The following MACROD2 variants were observed in gnomAD, a reference collection of about 807,000 sequenced individuals.
The protein encoded by MACROD2 is mono-ADP ribosylhydrolase 2.
Under a neutral mutation model 70.4 loss-of-function variants are expected in MACROD2, and 36 were observed. That is an observed-to-expected ratio of 0.51 (90% CI 0.39 to 0.68). MACROD2 has a LOEUF of 0.68. MACROD2 is among the 30% of genes least tolerant of loss of function. The probability of loss-of-function intolerance (pLI) is 0.00; values close to 1 mark genes in which losing one functional copy is unlikely to be tolerated. For missense variants in MACROD2, 496 were observed against 538.4 expected, an observed-to-expected ratio of 0.92 and a Z score of 0.78; for synonymous variants, 172 against 178.8, an observed-to-expected ratio of 0.96 and a Z score of 0.30.
intron 6 of MACROD2, among the ~76,000 whole-genome samples, chr20:15,362,546 C>A (rs542604553): frequency 1.3e-5 from 2 of 152,036 alleles, no homozygotes; most frequent in South Asian, 4.2e-4. Flanking sequence ...TGCATCGATA[C>A]AATTTTTTTT....
chr20:15,366,142 C>T (rs1298487362), intron 6 of MACROD2, among the ~76,000 whole-genome samples: 1 of 152,180 alleles, frequency 6.6e-6, no homozygotes, highest in African/African-American at 2.4e-5. Context: ...ACAGAGTATT[C>T]ATCTTCCCAC....
intron 10 of MACROD2, among the ~76,000 whole-genome samples, chr20:15,929,561 C>T (rs922085298): frequency 1.3e-5 from 2 of 152,126 alleles, no homozygotes; most frequent in African/African-American, 4.8e-5. Context: ...AATCTATAGA[C>T]CTTTAGAAGA....
intron 15 of MACROD2, among the ~76,000 whole-genome samples, chr20:16,015,044 A>T (rs1018900094): frequency 1.3e-5 from 2 of 152,176 alleles, no homozygotes; most frequent in Non-Finnish European, 2.9e-5. Flanking sequence ...ATATTTATTC[A>T]GTCCTGCAAA....
chr20:15,858,593 G>A (rs1362445030), intron 8 of MACROD2, among the ~76,000 whole-genome samples: 2 of 152,198 alleles, frequency 1.3e-5, no homozygotes, highest in Non-Finnish European at 2.9e-5. Flanking sequence ...TATTTTGATG[G>A]TTAGCTCATG....
intron 4 of MACROD2, among the ~76,000 whole-genome samples, chr20:14,507,384 C>G (rs1360915290): frequency 1.3e-5 from 2 of 151,770 alleles, no homozygotes; most frequent in African/African-American, 4.8e-5. Flanking sequence ...ACCAGTGGGG[C>G]GAAGAAGGAA....
intron 8 of MACROD2, among the ~76,000 whole-genome samples, chr20:15,524,298 G>A (rs111248935): frequency 5.3e-4 from 81 of 152,064 alleles, no homozygotes; most frequent in African/African-American, 1.8e-3. Context: ...GGCAGGCCAC[G>A]TGAATGAGTG....
At chr20:14,318,847 T>A (rs761880080) in intron 3 of MACROD2, among the ~76,000 whole-genome samples, 99 of 152,298 alleles carry the variant, frequency 6.5e-4, no homozygotes, top group Non-Finnish European at 1.1e-3. Context: ...GCCACTGCAA[T>A]CTTTTTCTTT....
intron 4 of MACROD2, among the ~76,000 whole-genome samples, chr20:14,550,713 A>G (rs1377403485): frequency 6.6e-6 from 1 of 152,240 alleles, no homozygotes; most frequent in Non-Finnish European, 1.5e-5. Context: ...CAAAAGCAGC[A>G]TTTATAGTTT....
At chr20:15,000,629 CAAAAAAAAA>C (rs398040701) in intron 5 of MACROD2, among the ~76,000 whole-genome samples, 20 of 21,982 alleles carry the variant, frequency 9.1e-4, no homozygotes, top group African/African-American at 2.2e-3. Context: ...GACTCCGTCT[CAAAAAAAAA>C]AAAAAAAAAA....
At chr20:15,002,944 C>A (rs895961661) in intron 5 of MACROD2, among the ~76,000 whole-genome samples, 10 of 152,168 alleles carry the variant, frequency 6.6e-5, no homozygotes, top group Non-Finnish European at 7.3e-5. Context: ...AACAAACACA[C>A]ATTTTACAGC....
chr20:14,453,258 T>C (rs1446932570), intron 3 of MACROD2, among the ~76,000 whole-genome samples: 1 of 152,142 alleles, frequency 6.6e-6, no homozygotes, highest in East Asian at 1.9e-4. Context: ...TTTGGGAATA[T>C]GGTTCCCCTC....
chr20:14,243,768 G>A (rs1449647848), intron 3 of MACROD2, among the ~76,000 whole-genome samples: 1 of 152,164 alleles, frequency 6.6e-6, no homozygotes, highest in African/African-American at 2.4e-5. Context: ...GACATATTCT[G>A]TCATTTGACA....
intron 5 of MACROD2, among the ~76,000 whole-genome samples, chr20:15,167,049 G>A (rs1039352916): frequency 4.6e-5 from 7 of 151,578 alleles, no homozygotes; most frequent in African/African-American, 1.5e-4. Flanking sequence ...ATTATTCTCT[G>A]ATGAACTTAT....
At chr20:15,560,890 G>A (rs969458120) in intron 8 of MACROD2, among the ~76,000 whole-genome samples, 3 of 151,776 alleles carry the variant, frequency 2.0e-5, no homozygotes, top group African/African-American at 7.3e-5. Context: ...AACAGAAGGG[G>A]AATGGGTTGA....
chr20:14,096,180 G>T (rs2054222174), intron 3 of MACROD2, among the ~76,000 whole-genome samples: 1 of 152,120 alleles, frequency 6.6e-6, no homozygotes, highest in South Asian at 2.1e-4. Context: ...GATTCTCCAT[G>T]TACAGAAGAG....
intron 7 of MACROD2, among the ~76,000 whole-genome samples, chr20:15,489,458 TA>T (rs1269837502): frequency 6.6e-6 from 1 of 152,210 alleles, no homozygotes; most frequent in South Asian, 2.1e-4. Context: ...TGATGGTACC[TA>T]AATGTTCAAG....
At chr20:15,618,802 G>T (rs183379589) in intron 8 of MACROD2, among the ~76,000 whole-genome samples, 8 of 152,346 alleles carry the variant, frequency 5.3e-5, no homozygotes, top group Admixed American at 3.9e-4. Context: ...GATTTATCAA[G>T]ACAGGGGACT....
chr20:15,744,871 C>A (rs2051158826), intron 8 of MACROD2, among the ~76,000 whole-genome samples: 1 of 152,024 alleles, frequency 6.6e-6, no homozygotes, highest in African/African-American at 2.4e-5. Flanking sequence ...TTCTAGGGTA[C>A]ATGTGCACAG....
intron 3 of MACROD2, among the ~76,000 whole-genome samples, chr20:14,308,347 T>C (rs1229834817): frequency 1.3e-5 from 2 of 152,134 alleles, no homozygotes; most frequent in African/African-American, 2.4e-5. Context: ...AGCAGTAGAA[T>C]ATGAATCTTA....
Sources: allele counts gnomAD v4.1 joint callset (sites outside exome capture counted in the v4.1 genomes callset), GRCh38; gene constraint gnomAD v4.1.1; transcripts MANE v1.5; gene names NCBI Gene and HGNC (gene_info 2026-07-23, HGNC 2026-07-21).